The following SUCLG2 variants were observed in gnomAD, a reference collection of about 807,000 sequenced individuals.
SUCLG2 encodes the protein succinate-CoA ligase GDP-forming subunit beta.
In SUCLG2, 42 loss-of-function variants were observed where a neutral mutation model predicts 47.9. The observed-to-expected ratio is 0.88, with a 90% CI of 0.69 to 1.14. The LOEUF (loss-of-function observed/expected upper bound fraction) is 1.14, where lower values mean the gene tolerates loss of function less well. Among genes scored for constraint, SUCLG2 ranks in the 50% most tolerant of loss-of-function variants. SUCLG2 has a pLI of 0.00. For synonymous variants in SUCLG2, 195 were observed against 197.3 expected (o/e 0.99, Z 0.10); for missense variants, 571 against 525.9 (o/e 1.09, Z -0.84).
chr3:67,492,690 T>A (rs1319315743), intron 9 of SUCLG2, among the ~76,000 whole-genome samples: 1 of 152,202 alleles, frequency 6.6e-6, no homozygotes, highest in Non-Finnish European at 1.5e-5. Context: ...TGAATTCAGT[T>A]CAGTAAGTGA....
chr3:67,432,741 T>A (rs193022433), intron 9 of SUCLG2, among the ~76,000 whole-genome samples: 15 of 152,352 alleles, frequency 9.8e-5, no homozygotes, highest in Non-Finnish European at 2.9e-5. Context: ...CTGTCTTTTA[T>A]ATCCCTCTGG....
chr3:67,389,653 C>T lies in SUCLG2; in HGVS notation c.1183+11078G>A, dbSNP rs150915239. On this transcript the variant is annotated intron_variant, in intron 10 of 10. Coordinates refer to ENST00000307227, the MANE Select transcript of SUCLG2 (RefSeq NM_003848.4). ...TCTTATTCTCTCACAATTTTCTCTA[C>T]ATTTAGTTGTAGTTTATCCAACCTT... Among the ~76,000 whole-genome samples the T allele has an allele frequency of 1.8e-4, 28 of 152,120 alleles. 1 individual carries two copies. The East Asian group carries it at 4.8e-3, about 26-fold the overall frequency.
intron 2 of SUCLG2, among the ~76,000 whole-genome samples, chr3:67,600,245 T>C (rs987810757): frequency 6.6e-6 from 1 of 152,236 alleles, no homozygotes; most frequent in African/African-American, 2.4e-5. Flanking sequence ...TGCAAAAGTA[T>C]TGAAAATTTT....
intron 1 of SUCLG2, among the ~76,000 whole-genome samples, chr3:67,624,283 T>C (rs1051631704): frequency 2.0e-5 from 3 of 152,206 alleles, no homozygotes; most frequent in Non-Finnish European, 4.4e-5. Context: ...TGAGCGACCT[T>C]CGCTGGGGAA....
In SUCLG2 at chr3:67,609,525, G is replaced by T; in HGVS notation, c.156C>A (p.Asn52Lys). 1.9e-6 allele frequency: 3 copies of T among 1,613,766 alleles called. No individual in the cohort carries two copies. The highest frequency in any genetic ancestry group is 2.5e-6 in the Non-Finnish European group (3 of 1,179,872). The change falls in exon 2 of 11, where the codon AAC (asparagine) becomes AAA (lysine). Residue 52 changes from asparagine to lysine, a missense_variant. By Grantham distance (94) the Asn-to-Lys change is moderately conservative. Coordinates refer to ENST00000307227, the MANE Select transcript of SUCLG2 (RefSeq NM_003848.4). ...CAAAGAATCTTTGAACTCTCACTCC[G>T]TTGTCAGACATCAGTTTCTTGCTCT... ...EYQSKKLMSD[N>K]GVRVQRFFVA...
chr3:67,405,449 G>T (rs190402647), intron 9 of SUCLG2, among the ~76,000 whole-genome samples: 21 of 152,264 alleles, frequency 1.4e-4, no homozygotes, highest in Admixed American at 6.5e-5. Flanking sequence ...TTGGAACATG[G>T]ATCCTTTTGA....
intron 9 of SUCLG2, chr3:67,408,566 A>G: frequency 1.0e-6 from 1 of 954,928 alleles, no homozygotes; most frequent in Non-Finnish European, 1.2e-6. Flanking sequence ...TCAAGTTTCC[A>G]TTCAGGTTGA....
Position 67,467,799 on chromosome 3 carries a change from GA to G in SUCLG2, c.1062+27998del, listed in dbSNP as rs544644509. Among the ~76,000 whole-genome samples, 568 of 148,046 alleles carry G rather than the reference GA, an allele frequency of 3.8e-3. 5 individuals are homozygous for G. The highest frequency in any genetic ancestry group is 0.013 in the East Asian group (67 of 5,092). ...ATTAATATACCCATTTCACAGGCAG[GA>G]AAAAAAAAATGAGACTTAGAGGAGT... On this transcript the variant is annotated intron_variant, in intron 9 of 10. Transcript: ENST00000307227.
chr3:67,609,691 G>A, intron 1 of SUCLG2, 95 bp from the exon 2 acceptor site: 1 of 1,170,894 alleles, frequency 8.5e-7, no homozygotes, highest in Non-Finnish European at 1.2e-6. Flanking sequence ...ACTGTTGACT[G>A]GCAATCTGCA....
chr3:67,455,986 C>T (rs1183868690), intron 9 of SUCLG2, among the ~76,000 whole-genome samples: 2 of 152,208 alleles, frequency 1.3e-5, no homozygotes, highest in Non-Finnish European at 2.9e-5. Flanking sequence ...GTAGTAAGAC[C>T]TCAATCAGGG....
At chr3:67,645,776 T>G (rs1462302584) in intron 1 of SUCLG2, among the ~76,000 whole-genome samples, 1 of 151,782 alleles carries the variant, frequency 6.6e-6, no homozygotes, top group Non-Finnish European at 1.5e-5. Context: ...GGAATGAGAA[T>G]GCCTATGAGA....
chr3:67,475,958 G>T (rs956657808), intron 9 of SUCLG2, among the ~76,000 whole-genome samples: 3 of 150,842 alleles, frequency 2.0e-5, no homozygotes, highest in African/African-American at 4.9e-5. Context: ...TAAAACCACA[G>T]AATTTGAGTA....
intron 4 of SUCLG2, among the ~76,000 whole-genome samples, chr3:67,527,295 G>A (rs139335819): frequency 4.9e-4 from 75 of 152,320 alleles, no homozygotes; most frequent in Non-Finnish European, 6.8e-4. Context: ...ACCCTAATTC[G>A]CTGTTAGGAC....
chr3:67,539,263 C>A (rs1200710395), intron 2 of SUCLG2, among the ~76,000 whole-genome samples: 1 of 152,136 alleles, frequency 6.6e-6, no homozygotes, highest in African/African-American at 2.4e-5. Context: ...GAGTTTTTAG[C>A]ACGAACCGGT....
At chr3:67,407,719 G>A (rs2106829386) in intron 9 of SUCLG2, among the ~76,000 whole-genome samples, 1 of 152,232 alleles carries the variant, frequency 6.6e-6, no homozygotes, top group East Asian at 1.9e-4. Flanking sequence ...GCAGGCATGA[G>A]GTTGATAAAA....
At position 67,404,573 on chromosome 3, in the gene SUCLG2, C is replaced by CA. The variant is rs1474040274; in HGVS notation, c.1063-3723dup. Reference sequence around the variant, plus strand: ...CAGGGAAATGGGATTGTTTAGGACACACGATACACCACAGCACCCTAAGAG... The same window carrying CA: ...CAGGGAAATGGGATTGTTTAGGACACAACGATACACCACAGCACCCTAAGAG... On this transcript the variant is annotated intron_variant, in intron 9 of 10. Transcript: ENST00000307227. Among the ~76,000 whole-genome samples, 16 of 152,174 alleles carry CA rather than the reference C, an allele frequency of 1.1e-4. No individual in the cohort carries two copies. In the Middle Eastern group the frequency reaches 0.014, roughly 129 times the overall value.
At chr3:67,596,097 C>T (rs1708286518) in intron 2 of SUCLG2, among the ~76,000 whole-genome samples, 1 of 152,202 alleles carries the variant, frequency 6.6e-6, no homozygotes, top group Admixed American at 6.5e-5. Flanking sequence ...GTTTGATGAA[C>T]TCTGGGTGGG....
At chr3:67,518,211 C>T in intron 6 of SUCLG2, 36 bp downstream of exon 6, 1 of 1,532,902 alleles carries the variant, frequency 6.5e-7, no homozygotes. Flanking sequence ...TTTTCTGAAA[C>T]AAGTCAGACA....
At chr3:67,478,179 G>A (rs1400396640) in intron 9 of SUCLG2, among the ~76,000 whole-genome samples, 4 of 151,974 alleles carry the variant, frequency 2.6e-5, no homozygotes, top group Middle Eastern at 3.2e-3. Flanking sequence ...CCACTTAACC[G>A]CCCCTTCCAT....
Sources: gnomAD v4.1 joint callset for allele counts (sites outside exome capture counted in the v4.1 genomes callset) on GRCh38, gnomAD v4.1.1 for gene constraint, MANE v1.5 for transcripts, NCBI Gene and HGNC (gene_info 2026-07-23, HGNC 2026-07-21) for gene names.